Variants in PCLO observed in about 807,000 individuals in gnomAD.
PCLO encodes protein piccolo.
In PCLO, 82 loss-of-function variants were observed where a neutral mutation model predicts 427.5. The observed-to-expected ratio is 0.19, with a 90% confidence interval of 0.16 to 0.23. PCLO has a LOEUF of 0.23. Ranked by LOEUF, PCLO falls within the 10% of genes least tolerant of loss-of-function variation. The probability of loss-of-function intolerance (pLI) is 1.00; values close to 1 mark genes in which losing one functional copy is unlikely to be tolerated. For missense variants in PCLO, 6,239 were observed against 6,115.9 expected (o/e 1.02, Z -0.67); for synonymous variants, 2,357 against 2,155.4 (o/e 1.09, Z -2.59).
chr7:82,831,289 T>C (rs1376287074), intron 16 of PCLO, among the ~76,000 whole-genome samples: 3 of 152,236 alleles, frequency 2.0e-5, no homozygotes, highest in Non-Finnish European at 4.4e-5. Context: ...TTCTTGCTTT[T>C]AAATAAATGT....
At chr7:83,000,361 G>T (rs1338988175) in intron 3 of PCLO, among the ~76,000 whole-genome samples, 1 of 151,654 alleles carries the variant, frequency 6.6e-6, no homozygotes, top group Non-Finnish European at 1.5e-5. Flanking sequence ...CAAAGTAAAG[G>T]AGAAATAAAG....
At chr7:83,092,517 T>A (rs1339679154) in intron 3 of PCLO, among the ~76,000 whole-genome samples, 1 of 152,080 alleles carries the variant, frequency 6.6e-6, no homozygotes, top group Non-Finnish European at 1.5e-5. Flanking sequence ...AAATCTACCG[T>A]CAGAATCAAA....
chr7:83,093,952 TG>T (rs745421008), intron 3 of PCLO, among the ~76,000 whole-genome samples: 26 of 151,682 alleles, frequency 1.7e-4, no homozygotes, highest in Non-Finnish European at 3.4e-4. Context: ...AATAATATCT[TG>T]CAAAACCACA....
intron 20 of PCLO, chr7:82,820,933 T>C (rs1791775881): frequency 5.7e-6 from 7 of 1,229,586 alleles, no homozygotes; most frequent in Non-Finnish European, 7.1e-6. Context: ...GTCAATATAT[T>C]ACGGGACTGA....
At chr7:83,033,100 T>C (rs1788711853) in intron 3 of PCLO, among the ~76,000 whole-genome samples, 1 of 152,118 alleles carries the variant, frequency 6.6e-6, no homozygotes, top group Non-Finnish European at 1.5e-5. Flanking sequence ...CTGCTTCCCC[T>C]TCACCCTTCT....
intron 2 of PCLO, among the ~76,000 whole-genome samples, chr7:83,144,666 AATCTT>A (rs1180736777): frequency 6.6e-6 from 1 of 152,112 alleles, no homozygotes; most frequent in African/African-American, 2.4e-5. Context: ...ATGTTTTACA[AATCTT>A]ATCTACATTT....
Position 82,951,546 on chromosome 7 carries a change from G to A in PCLO, c.9098-56C>T, listed in dbSNP as rs1031486639. 17 of 1,219,408 alleles carry A rather than the reference G, an allele frequency of 1.4e-5. 1 individual carries two copies. The Admixed American group carries it at 1.4e-4, about 10-fold the overall frequency. The allele number at this position is 1,219,408 out of a possible 1,614,324, so 75.5% of individuals were successfully genotyped here. Reference sequence around the variant, plus strand: ...TCCCAGAATGAATGATGCTTTTTGAGTTTGAAAACCCTCTCATCTTGATGA... The same window carrying A: ...TCCCAGAATGAATGATGCTTTTTGAATTTGAAAACCCTCTCATCTTGATGA... On this transcript the variant is annotated intron_variant, in intron 5 of 24. Coordinates refer to ENST00000333891, the MANE Select transcript of PCLO (RefSeq NM_033026.6).
intron 6 of PCLO, among the ~76,000 whole-genome samples, chr7:82,918,458 C>T (rs1019183942): frequency 1.3e-5 from 2 of 151,852 alleles, no homozygotes; most frequent in Non-Finnish European, 2.9e-5. Flanking sequence ...TATTCTTTCA[C>T]TTGTAAAAAA....
At chr7:82,815,479 T>G (rs1791660285) in intron 20 of PCLO, among the ~76,000 whole-genome samples, 1 of 152,112 alleles carries the variant, frequency 6.6e-6, no homozygotes, top group Admixed American at 6.6e-5. Context: ...ATGTTTTCTA[T>G]ATTTCTCTAT....
chr7:83,005,330 C>G (rs140410181), intron 3 of PCLO, among the ~76,000 whole-genome samples: 245 of 151,596 alleles, frequency 1.6e-3, no homozygotes, highest in African/African-American at 5.7e-3. Context: ...ATGAAAAATA[C>G]TGCATACTCT....
intron 15 of PCLO, among the ~76,000 whole-genome samples, chr7:82,837,043 C>A (rs972786293): frequency 1.7e-4 from 26 of 151,886 alleles, no homozygotes; most frequent in African/African-American, 6.3e-4. Context: ...ATCAAACCAG[C>A]TAGGAAAATA....
chr7:82,908,598 C>A (rs149665977), intron 8 of PCLO, among the ~76,000 whole-genome samples: 1 of 152,168 alleles, frequency 6.6e-6, no homozygotes, highest in Non-Finnish European at 1.5e-5. Flanking sequence ...TCCATCTATT[C>A]TTCTTGTATA....
intron 3 of PCLO, among the ~76,000 whole-genome samples, chr7:83,096,401 T>A (rs1240184489): frequency 6.6e-6 from 1 of 152,122 alleles, no homozygotes; most frequent in Non-Finnish European, 1.5e-5. Flanking sequence ...AATTACTAGT[T>A]AAATTACTTG....
In PCLO at chr7:82,841,528, T is replaced by C; in HGVS notation, c.14047-19A>G. 3.7e-6 allele frequency: 5 copies of C among 1,363,754 alleles called. No individual in the cohort carries two copies. Among genetic ancestry groups the C allele is most frequent in the Middle Eastern group, 3.6e-4 (2 of 5,526 alleles). The allele number at this position is 1,363,754 out of a possible 1,614,324, so 84.5% of individuals were successfully genotyped here. On this transcript the variant is annotated intron_variant, in intron 13 of 24. Coordinates refer to ENST00000333891, the MANE Select transcript of PCLO (RefSeq NM_033026.6). ...CGGTAGGCTGTAATATTAAAGAACATATATTACATTAATAGATACATTTTT... is the reference window on the plus strand; with the variant it reads ...CGGTAGGCTGTAATATTAAAGAACACATATTACATTAATAGATACATTTTT...
Position 82,773,114 on chromosome 7 carries a change from T to C in PCLO, c.15008-11621A>G, listed in dbSNP as rs1790679459. On this transcript the variant is annotated intron_variant, in intron 22 of 24. Transcript: ENST00000333891. ...CTTGGCTACAACTCCCAAGCATTTATATTGACTTTTGATCTAAAAGCAGAG... is the reference window on the plus strand; with the variant it reads ...CTTGGCTACAACTCCCAAGCATTTACATTGACTTTTGATCTAAAAGCAGAG... Among the ~76,000 whole-genome samples, 4 of 152,284 alleles carry C rather than the reference T, an allele frequency of 2.6e-5. No homozygotes were observed. In the South Asian group the frequency reaches 8.3e-4, roughly 32 times the overall value.
intron 3 of PCLO, among the ~76,000 whole-genome samples, chr7:83,089,928 G>A (rs993614703): frequency 3.3e-5 from 5 of 152,216 alleles, no homozygotes; most frequent in East Asian, 1.9e-4. Context: ...AGTAGTTTCC[G>A]TTTATATAAA....
intron 3 of PCLO, among the ~76,000 whole-genome samples, chr7:83,059,357 A>AATATATATATAT (rs752009069): frequency 2.7e-5 from 3 of 111,814 alleles, no homozygotes; most frequent in African/African-American, 7.4e-5. Flanking sequence ...ACACCTTTAA[A>AATATATATATAT]ATATATATAT....
rs372077450 is a variant in PCLO, at chr7:82,953,138, G to A, written c.7815C>T (p.Pro2605=). ...CCAGATCTTTGGAGGGTGATCCCAA[G>A]GGCCAACTGGTAATTGCTTGACTAG... The part of the protein sequence containing the change: ...SSASQAITSW[P]LGSPSKDLVS... The change falls in exon 5 of 25, where the codon CCC becomes CCT. Residue 2605 remains proline (P), a synonymous_variant. Transcript: ENST00000333891. 16 of 1,613,966 alleles carry A rather than the reference G, an allele frequency of 9.9e-6. No homozygotes were observed. In the African/African-American group the frequency reaches 2.1e-4, roughly 22 times the overall value.
At chr7:82,973,285 C>A (rs190303419) in intron 3 of PCLO, among the ~76,000 whole-genome samples, 1 of 151,934 alleles carries the variant, frequency 6.6e-6, no homozygotes, top group Non-Finnish European at 1.5e-5. Context: ...ATTCTTTTAC[C>A]GAGGCTGTGC....
Sources: gnomAD v4.1 joint callset for allele counts (sites outside exome capture counted in the v4.1 genomes callset) on GRCh38, gnomAD v4.1.1 for gene constraint, MANE v1.5 for transcripts, NCBI Gene and HGNC (gene_info 2026-07-23, HGNC 2026-07-21) for gene names.